SBNO1: variants seen among roughly 807,000 people sequenced by gnomAD.
The protein encoded by SBNO1 is strawberry notch homolog 1.
In SBNO1, 23 loss-of-function variants were observed where a neutral mutation model predicts 173.6. That is an observed-to-expected ratio of 0.13 (90% CI 0.10 to 0.19). SBNO1 has a LOEUF of 0.19. Among genes scored for constraint, SBNO1 ranks in the 10% least tolerant of loss-of-function variants. The pLI is 1.00. For missense variants in SBNO1, 1,238 were observed against 1,671.2 expected (o/e 0.74, Z 4.52); for synonymous variants, 632 against 571.5 (o/e 1.11, Z -1.51).
intron 21 of SBNO1, among the ~76,000 whole-genome samples, chr12:123,316,971 G>C (rs1259040165): frequency 1.3e-5 from 2 of 152,076 alleles, no homozygotes; most frequent in African/African-American, 4.8e-5. Flanking sequence ...CAAAGTGCTG[G>C]GATTACAGGC....
chr12:123,347,393 A>AT (rs1268161994), intron 3 of SBNO1, among the ~76,000 whole-genome samples: 1 of 150,080 alleles, frequency 6.7e-6, no homozygotes, highest in Non-Finnish European at 1.5e-5. Flanking sequence ...CACCCGGCTA[A>AT]TTTTTTGTAT....
chr12:123,300,757 C>T (rs1199605551), intron 30 of SBNO1, among the ~76,000 whole-genome samples: 1 of 151,838 alleles, frequency 6.6e-6, no homozygotes, highest in Admixed American at 6.6e-5. Flanking sequence ...GTCAGGAGTT[C>T]GAGACCAGCT....
At position 123,310,040 on chromosome 12, in the gene SBNO1, C is replaced by T. The variant is rs538356708; in HGVS notation, c.3296-184G>A. On this transcript the variant is annotated intron_variant, in intron 25 of 31. Transcript: ENST00000602398. ...TAGCAATTAGCACCACTGCAGGACACGCTCAAAAGAGGTTTGTCAAATTGA... is the reference window on the plus strand; with the variant it reads ...TAGCAATTAGCACCACTGCAGGACATGCTCAAAAGAGGTTTGTCAAATTGA... 1.6e-3 allele frequency among the ~76,000 whole-genome samples: 246 copies of T among 152,256 alleles called. No individual in the cohort carries two copies. The South Asian group carries it at 0.025, about 16-fold the overall frequency.
At position 123,294,634 on chromosome 12, in the gene SBNO1, C is replaced by CAAAAAAAAAAAAAA. The variant is rs143013489; in HGVS notation, c.*1260_*1273dup. 529 of 59,980 alleles carry CAAAAAAAAAAAAAA rather than the reference C, an allele frequency of 8.8e-3. 7 individuals are homozygous for CAAAAAAAAAAAAAA. The highest frequency in any genetic ancestry group is 0.013 in the Middle Eastern group (1 of 78). 3.7% of individuals were successfully genotyped at this position (59,980 alleles called of 1,614,324 possible). A position where few individuals can be genotyped will look rare whatever the true frequency, so the allele number is the denominator to read the frequency against. ...TTTTCAATAGTGCAACCTGTGGAAG[C>CAAAAAAAAAAAAAA]AAAAAAAAAAAAAAAAAAAAAAAAA... On this transcript the variant is annotated 3_prime_UTR_variant, in exon 32 of 32. Transcript: ENST00000602398.
chr12:123,324,764 A>G (rs1383276501), intron 15 of SBNO1, among the ~76,000 whole-genome samples: 2 of 152,144 alleles, frequency 1.3e-5, no homozygotes, highest in Non-Finnish European at 2.9e-5. Flanking sequence ...CTATTTCTGA[A>G]GATCTCATGC....
intron 16 of SBNO1, among the ~76,000 whole-genome samples, chr12:123,323,004 C>T (rs539629625): frequency 6.6e-6 from 1 of 152,160 alleles, no homozygotes; most frequent in Non-Finnish European, 1.5e-5. Flanking sequence ...TCCCATGCAT[C>T]ATTAACTATC....
At chr12:123,296,774 T>C (rs779880038) in intron 31 of SBNO1, among the ~76,000 whole-genome samples, 1 of 152,018 alleles carries the variant, frequency 6.6e-6, no homozygotes, top group East Asian at 1.9e-4. Context: ...TTGGCCAGGA[T>C]GATCTCGATC....
At chr12:123,335,492 T>C (rs1431797682) in intron 6 of SBNO1, among the ~76,000 whole-genome samples, 2 of 152,176 alleles carry the variant, frequency 1.3e-5, no homozygotes, top group Non-Finnish European at 2.9e-5. Flanking sequence ...GAAAGACAAC[T>C]TGGCTATAAA....
At chr12:123,353,325 C>A (rs1874092187) in intron 1 of SBNO1, among the ~76,000 whole-genome samples, 1 of 152,142 alleles carries the variant, frequency 6.6e-6, no homozygotes, top group African/African-American at 2.4e-5. Context: ...CCGAAGTTCA[C>A]TCACGCAGGA....
intron 31 of SBNO1, among the ~76,000 whole-genome samples, chr12:123,296,857 C>A (rs2048615264): frequency 6.7e-6 from 1 of 150,128 alleles, no homozygotes; most frequent in South Asian, 2.1e-4. Flanking sequence ...CCGTGCCCGG[C>A]CCTATTTGTT....
At chr12:123,307,874 C>A (rs527824954) in intron 28 of SBNO1, among the ~76,000 whole-genome samples, 1 of 152,214 alleles carries the variant, frequency 6.6e-6, no homozygotes, top group East Asian at 1.9e-4. Flanking sequence ...GAGATCGAGG[C>A]CATCCTGGCT....
rs771911237 is a variant in SBNO1 at position 123,295,974 on chromosome 12, C to T, written c.4116G>A (p.Ala1372=). 2.6e-5 allele frequency: 42 copies of T among 1,613,606 alleles called. No homozygotes were observed. Among genetic ancestry groups the T allele is most frequent in the East Asian group, 2.2e-4 (10 of 44,886 alleles). ...GTTGCCATAGCTGTTTCTGTTGGAC[C>T]GCAAGCTGTTGAGACTGGTCTGAAG... ...LSTSDQSQQL[A]VQQKQLWQQH... is the part of the protein sequence containing the mutation. The change falls in exon 32 of 32, where the codon GCG becomes GCA. Residue 1372 remains alanine (A), a synonymous_variant. Transcript: ENST00000602398.
intron 2 of SBNO1, among the ~76,000 whole-genome samples, chr12:123,348,399 G>A (rs61955081): frequency 0.022 from 3,384 of 152,210 alleles, 63 homozygotes; most frequent in Middle Eastern, 0.041. Context: ...CGAGGTGGGC[G>A]GATCATGAGG....
intron 28 of SBNO1, among the ~76,000 whole-genome samples, chr12:123,306,758 G>A (rs1171593817): frequency 6.6e-6 from 1 of 152,040 alleles, no homozygotes; most frequent in Non-Finnish European, 1.5e-5. Flanking sequence ...TCAACATCTT[G>A]GTTGTGATAT....
chr12:123,310,809 A>G (rs559369705), intron 25 of SBNO1, among the ~76,000 whole-genome samples: 1 of 152,284 alleles, frequency 6.6e-6, no homozygotes, highest in East Asian at 1.9e-4. Context: ...CTGGGATTAC[A>G]GGCGTGAGCC....
intron 1 of SBNO1, chr12:123,364,497 A>G: frequency 5.1e-6 from 5 of 983,884 alleles, no homozygotes; most frequent in Non-Finnish European, 6.0e-6. Flanking sequence ...GGAAGCGAGT[A>G]CAACGGAGCC....
chr12:123,339,801 C>T (rs1429758699), intron 5 of SBNO1, among the ~76,000 whole-genome samples: 2 of 151,908 alleles, frequency 1.3e-5, no homozygotes, highest in Non-Finnish European at 2.9e-5. Context: ...ACAACAACAA[C>T]AATAAAAACC....
intron 1 of SBNO1, among the ~76,000 whole-genome samples, chr12:123,356,170 T>C (rs139647659): frequency 6.6e-6 from 1 of 152,290 alleles, no homozygotes; most frequent in Non-Finnish European, 1.5e-5. Flanking sequence ...AGTAGTATGA[T>C]ATGGTCAAGT....
chr12:123,327,001 TTTTTTGTTTTTG>T (rs370573671), intron 13 of SBNO1, among the ~76,000 whole-genome samples: 2 of 152,060 alleles, frequency 1.3e-5, no homozygotes, highest in Non-Finnish European at 2.9e-5. Context: ...TTTGTTTTTG[TTTTTTGTTTTTG>T]TTTTTGTTTT....
Sources: allele counts gnomAD v4.1 joint callset (sites outside exome capture counted in the v4.1 genomes callset), GRCh38; gene constraint gnomAD v4.1.1; transcripts MANE v1.5; gene names NCBI Gene and HGNC (gene_info 2026-07-23, HGNC 2026-07-21).